PTPRR: variants seen among roughly 807,000 people sequenced by gnomAD.
The protein encoded by PTPRR is protein tyrosine phosphatase receptor type R, also known as receptor-type tyrosine-protein phosphatase R.
PTPRR carries 38 observed loss-of-function variants against 77.2 expected under a neutral mutation model. The ratio of observed to expected loss-of-function variants is 0.49; its 90% CI spans 0.38 to 0.65. The LOEUF (loss-of-function observed/expected upper bound fraction) is 0.65. PTPRR is among the 30% of genes least tolerant of loss of function. The pLI, the probability that PTPRR is intolerant of heterozygous loss-of-function variation, is 0.00. For missense variants in PTPRR, 744 were observed against 799.2 expected (o/e 0.93, Z 0.83); for synonymous variants, 299 against 283.1 (o/e 1.06, Z -0.57).
intron 2 of PTPRR, among the ~76,000 whole-genome samples, chr12:70,765,002 G>C (rs775664368): frequency 6.6e-6 from 1 of 152,168 alleles, no homozygotes; most frequent in Non-Finnish European, 1.5e-5. Context: ...AATGGTATTA[G>C]TTAAAAAGAT....
intron 6 of PTPRR, among the ~76,000 whole-genome samples, chr12:70,702,410 G>C (rs559127719): frequency 5.3e-5 from 8 of 152,166 alleles, no homozygotes; most frequent in African/African-American, 1.9e-4. Context: ...GCTCAAGGAA[G>C]TAGAGAGCAG....
intron 5 of PTPRR, among the ~76,000 whole-genome samples, chr12:70,750,276 A>G (rs1890348815): frequency 6.6e-6 from 1 of 152,198 alleles, no homozygotes; most frequent in African/African-American, 2.4e-5. Flanking sequence ...ATATAATTTT[A>G]TAATAAAACC....
chr12:70,692,650 C>T (rs1031528809), intron 8 of PTPRR, among the ~76,000 whole-genome samples: 2 of 152,082 alleles, frequency 1.3e-5, no homozygotes, highest in African/African-American at 4.8e-5. Context: ...TATGTTTTTG[C>T]AGATTTTATG....
chr12:70,734,443 G>A (rs1332189537), intron 6 of PTPRR, among the ~76,000 whole-genome samples: 1 of 152,198 alleles, frequency 6.6e-6, no homozygotes, highest in Non-Finnish European at 1.5e-5. Context: ...CAAATGGAGA[G>A]TACCCTGTAA....
At position 70,810,571 on chromosome 12, in the gene PTPRR, A is replaced by T. The variant is rs1291997482; in HGVS notation, c.358-45793T>A. 2.0e-5 allele frequency among the ~76,000 whole-genome samples: 3 copies of T among 152,282 alleles called. No homozygotes were observed. In the East Asian group the frequency reaches 5.8e-4, roughly 29 times the overall value. On this transcript the variant is annotated intron_variant, in intron 2 of 13. Coordinates refer to ENST00000283228, the MANE Select transcript of PTPRR (RefSeq NM_002849.4). ...CTTTCTTGAATACTGAATTAATGCA[A>T]CGATGTTACTGTTATGTATAATAAA...
intron 6 of PTPRR, among the ~76,000 whole-genome samples, chr12:70,701,776 C>G (rs1417671105): frequency 1.3e-5 from 2 of 151,906 alleles, no homozygotes; most frequent in African/African-American, 4.8e-5. Context: ...AGTTCAAGAC[C>G]AACCTGGGCA....
At chr12:70,835,377 T>G (rs1441497328) in intron 2 of PTPRR, among the ~76,000 whole-genome samples, 1 of 152,114 alleles carries the variant, frequency 6.6e-6, no homozygotes, top group Admixed American at 6.6e-5. Context: ...TAGATCATGA[T>G]TAGGATTCAA....
chr12:70,833,930 G>A (rs1342571863), intron 2 of PTPRR, among the ~76,000 whole-genome samples: 5 of 152,172 alleles, frequency 3.3e-5, no homozygotes, highest in Admixed American at 1.3e-4. Flanking sequence ...GGCCTACAAT[G>A]ATCTTGGCTC....
At chr12:70,886,781 C>T (rs1374617956) in intron 2 of PTPRR, among the ~76,000 whole-genome samples, 2 of 152,014 alleles carry the variant, frequency 1.3e-5, no homozygotes, top group African/African-American at 4.8e-5. Context: ...AATTGTGTTT[C>T]TTTTGGCATC....
intron 1 of PTPRR, among the ~76,000 whole-genome samples, chr12:70,915,475 G>A (rs1195645053): frequency 6.6e-6 from 1 of 152,130 alleles, no homozygotes; most frequent in African/African-American, 2.4e-5. Flanking sequence ...TACCAAAGAA[G>A]CAAATCAGTT....
chr12:70,777,477 A>T (rs754644023), intron 2 of PTPRR, among the ~76,000 whole-genome samples: 1 of 152,154 alleles, frequency 6.6e-6, no homozygotes, highest in Non-Finnish European at 1.5e-5. Flanking sequence ...GCTATGAAAG[A>T]TGAGAAAATA....
intron 2 of PTPRR, 143 bp from the exon 3 acceptor site, chr12:70,764,921 T>C: frequency 1.6e-6 from 1 of 617,828 alleles, no homozygotes; most frequent in East Asian, 2.7e-5. Context: ...CTCTGCTAAG[T>C]TTACACTAAT....
In PTPRR at chr12:70,659,010, C is replaced by A. The variant is rs113461605; in HGVS notation, c.1766+1930G>T. Among the ~76,000 whole-genome samples the A allele has an allele frequency of 1.3e-3, 196 of 147,004 alleles. 1 individual carries two copies. The highest frequency in any genetic ancestry group is 4.4e-3 in the African/African-American group (178 of 40,198). Reference sequence around the variant, plus strand: ...CTCTGCCTCCTCGGTTCAAGCGATTCTCCTGCCTCCGCCTCCCAAGTAGCT... The same window carrying A: ...CTCTGCCTCCTCGGTTCAAGCGATTATCCTGCCTCCGCCTCCCAAGTAGCT... On this transcript the variant is annotated intron_variant, in intron 12 of 13. Transcript: ENST00000283228.
At chr12:70,753,565 G>A (rs1403904435) in intron 5 of PTPRR, among the ~76,000 whole-genome samples, 1 of 152,002 alleles carries the variant, frequency 6.6e-6, no homozygotes, top group Non-Finnish European at 1.5e-5. Context: ...TTTGTTTTGG[G>A]TTCTATTTTT....
chr12:70,889,233 A>G (rs117646497), intron 2 of PTPRR, among the ~76,000 whole-genome samples: 4,300 of 152,302 alleles, frequency 0.028, 107 homozygotes, highest in Non-Finnish European at 0.043. Flanking sequence ...TAATTAAACC[A>G]ATTTGTCTAT....
At chr12:70,879,393 G>GT (rs1893109630) in intron 2 of PTPRR, among the ~76,000 whole-genome samples, 2 of 147,494 alleles carry the variant, frequency 1.4e-5, no homozygotes, top group African/African-American at 2.5e-5. Context: ...AGATCCTATT[G>GT]TAAAAAAAAA....
chr12:70,867,600 G>A (rs1892877876), intron 2 of PTPRR, among the ~76,000 whole-genome samples: 1 of 151,408 alleles, frequency 6.6e-6, no homozygotes, highest in Admixed American at 6.6e-5. Flanking sequence ...TCGTGAAAAT[G>A]GCCATACTGC....
chr12:70,667,483 C>T (rs1887054663), intron 10 of PTPRR, among the ~76,000 whole-genome samples: 1 of 152,118 alleles, frequency 6.6e-6, no homozygotes, highest in Admixed American at 6.5e-5. Context: ...CCTGGTTACC[C>T]ATGAAATGAA....
At chr12:70,763,675 G>GA in intron 3 of PTPRR, among the ~76,000 whole-genome samples, 1 of 152,204 alleles carries the variant, frequency 6.6e-6, no homozygotes, top group South Asian at 2.1e-4. Context: ...CCATGCAGCA[G>GA]AAGCACAGCA....
Sources: allele counts gnomAD v4.1 joint callset (sites outside exome capture counted in the v4.1 genomes callset), GRCh38; gene constraint gnomAD v4.1.1; transcripts MANE v1.5; gene names NCBI Gene and HGNC (gene_info 2026-07-23, HGNC 2026-07-21).